Variants in KCND3 observed in about 807,000 individuals in gnomAD.
KCND3 encodes A-type voltage-gated potassium channel KCND3.
Under a neutral mutation model 51.1 loss-of-function variants are expected in KCND3, and 9 were observed. The observed-to-expected ratio is 0.18, with a 90% CI of 0.11 to 0.31. The LOEUF is 0.31. Among genes scored for constraint, KCND3 ranks in the 10% least tolerant of loss-of-function variants. The pLI, the probability that KCND3 is intolerant of heterozygous loss-of-function variation, is 1.00. For synonymous variants in KCND3, 349 were observed against 368.0 expected (o/e 0.95, Z 0.59); for missense variants, 526 against 903.8 (o/e 0.58, Z 5.36).
At chr1:111,973,070 A>G (rs1674431964) in intron 2 of KCND3, among the ~76,000 whole-genome samples, 1 of 152,146 alleles carries the variant, frequency 6.6e-6, no homozygotes, top group Non-Finnish European at 1.5e-5. Flanking sequence ...TCATAAAAAC[A>G]TTATTTCCAT....
At chr1:111,946,578 C>A (rs1228760383) in intron 2 of KCND3, among the ~76,000 whole-genome samples, 1 of 152,204 alleles carries the variant, frequency 6.6e-6, no homozygotes, top group African/African-American at 2.4e-5. Flanking sequence ...TCTCCAGACC[C>A]CCCTGGCTTA....
intron 2 of KCND3, among the ~76,000 whole-genome samples, chr1:111,826,971 A>T (rs1417513841): frequency 6.6e-6 from 1 of 152,204 alleles, no homozygotes; most frequent in Non-Finnish European, 1.5e-5. Context: ...TATTCACATT[A>T]AACTTATGGT....
At chr1:111,883,358 C>T (rs1283257253) in intron 2 of KCND3, among the ~76,000 whole-genome samples, 1 of 152,246 alleles carries the variant, frequency 6.6e-6, no homozygotes, top group Non-Finnish European at 1.5e-5. Context: ...TGGAGAATTA[C>T]ACAAACATTC....
At chr1:111,837,812 G>A (rs928915408) in intron 2 of KCND3, among the ~76,000 whole-genome samples, 7 of 152,136 alleles carry the variant, frequency 4.6e-5, no homozygotes, top group African/African-American at 1.7e-4. Flanking sequence ...CGCCCCTCTA[G>A]ATTGTCAGTT....
intron 2 of KCND3, among the ~76,000 whole-genome samples, chr1:111,855,492 A>G (rs1431109617): frequency 6.6e-6 from 1 of 152,206 alleles, no homozygotes; most frequent in African/African-American, 2.4e-5. Flanking sequence ...TCTTATGCTA[A>G]TGACCACATA....
chr1:111,878,167 G>A (rs567612285), intron 2 of KCND3, among the ~76,000 whole-genome samples: 2 of 152,322 alleles, frequency 1.3e-5, no homozygotes, highest in Non-Finnish European at 1.5e-5. Context: ...TGGGAAGTCT[G>A]TACTTATTTC....
At chr1:111,782,330 CA>C (rs1664423140) in intron 3 of KCND3, among the ~76,000 whole-genome samples, 1 of 152,242 alleles carries the variant, frequency 6.6e-6, no homozygotes, top group South Asian at 2.1e-4. Flanking sequence ...GGGAAGGGGC[CA>C]GGACTTGAGC....
intron 2 of KCND3, among the ~76,000 whole-genome samples, chr1:111,838,571 G>A (rs145215792): frequency 0.045 from 6,871 of 151,778 alleles, 418 homozygotes; most frequent in East Asian, 0.13. Flanking sequence ...GCAGGAGAAT[G>A]GCTTGAACCT....
At chr1:111,830,346 G>C (rs1252274998) in intron 2 of KCND3, among the ~76,000 whole-genome samples, 1 of 152,210 alleles carries the variant, frequency 6.6e-6, no homozygotes, top group East Asian at 1.9e-4. Context: ...GCCCAGTGCG[G>C]TTCCTCAGAC....
chr1:111,870,595 G>A (rs1179694112), intron 2 of KCND3, among the ~76,000 whole-genome samples: 1 of 152,182 alleles, frequency 6.6e-6, no homozygotes, highest in Admixed American at 6.5e-5. Context: ...GCCTTGTTAA[G>A]AGAGCTTTGA....
chr1:111,788,886 A>G (rs907222948), intron 2 of KCND3, among the ~76,000 whole-genome samples: 2 of 152,230 alleles, frequency 1.3e-5, no homozygotes, highest in Admixed American at 1.3e-4. Flanking sequence ...TGTGACATAT[A>G]CAGCTCCACA....
At chr1:111,793,837 A>G (rs186554688) in intron 2 of KCND3, among the ~76,000 whole-genome samples, 293 of 152,146 alleles carry the variant, frequency 1.9e-3, no homozygotes, top group African/African-American at 6.8e-3. Flanking sequence ...ATGGCTTAGA[A>G]AAAAAAAATT....
intron 2 of KCND3, among the ~76,000 whole-genome samples, chr1:111,874,527 C>T (rs1193087810): frequency 6.6e-6 from 1 of 152,136 alleles, no homozygotes; most frequent in Non-Finnish European, 1.5e-5. Flanking sequence ...TTTTTGGTGA[C>T]AGGAGAAAGA....
rs114949770 is a variant in KCND3 at position 111,876,490 on chromosome 1, A to G, written c.1107-89384T>C. ...AATTCCCACAATGCATCCCCACCCC[A>G]TCTGACACCTCTGCTTCCAGGCTGC... On this transcript the variant is annotated intron_variant, in intron 2 of 7. Transcript: ENST00000302127. Among the ~76,000 whole-genome samples, 1,481 of 152,146 alleles carry G rather than the reference A, an allele frequency of 9.7e-3. 21 individuals are homozygous for G. The highest frequency in any genetic ancestry group is 0.032 in the African/African-American group (1,348 of 41,514).
At chr1:111,786,189 A>C (rs1348554245) in intron 3 of KCND3, among the ~76,000 whole-genome samples, 1 of 152,252 alleles carries the variant, frequency 6.6e-6, no homozygotes, top group Non-Finnish European at 1.5e-5. Flanking sequence ...ATGCCTTAAA[A>C]ATGCAAGTGA....
Position 111,984,518 on chromosome 1 carries a change from G to T in KCND3, c.-72-1720C>A, listed in dbSNP as rs3806445. The stretch of plus-strand genomic sequence containing the variant: ...TGGCCTCCTTCCCACGGGCCTTCTT[G>T]TCTCTCACTCTCACACCCCACCCGG... On this transcript the variant is annotated intron_variant, in intron 1 of 7. Transcript: ENST00000302127. 3.0e-4 allele frequency among the ~76,000 whole-genome samples: 45 copies of T among 152,266 alleles called. 2 individuals are homozygous for T. In the East Asian group the frequency reaches 8.7e-3, roughly 29 times the overall value.
rs928145644 is a variant in KCND3, at chr1:111,843,884, C to G, written c.1107-56778G>C. On this transcript the variant is annotated intron_variant, in intron 2 of 7. Transcript: ENST00000302127. ...CATAAAATGGGGTCTGGGAATGGAG[C>G]TTGGTGGGTAGGCAGGTTTTATGTT... Among the ~76,000 whole-genome samples, 9 of 152,132 alleles carry G rather than the reference C, an allele frequency of 5.9e-5. No individual in the cohort carries two copies. In the South Asian group the frequency reaches 6.2e-4, roughly 11 times the overall value.
intron 2 of KCND3, among the ~76,000 whole-genome samples, chr1:111,844,759 T>C (rs1394160386): frequency 6.6e-6 from 1 of 151,794 alleles, no homozygotes; most frequent in Admixed American, 6.6e-5. Flanking sequence ...CTCTCATCCT[T>C]CTCTCTCTCC....
intron 2 of KCND3, among the ~76,000 whole-genome samples, chr1:111,841,914 C>G (rs1011191806): frequency 2.0e-5 from 3 of 152,212 alleles, no homozygotes; most frequent in African/African-American, 7.2e-5. Flanking sequence ...GCCCAAGCGG[C>G]CCTGGGAGTA....
Sources: gnomAD v4.1 joint callset for allele counts (sites outside exome capture counted in the v4.1 genomes callset) on GRCh38, gnomAD v4.1.1 for gene constraint, MANE v1.5 for transcripts, NCBI Gene and HGNC (gene_info 2026-07-23, HGNC 2026-07-21) for gene names.